Variants in BNC2 observed in about 807,000 individuals in gnomAD.
BNC2 encodes the protein basonuclin zinc finger protein 2.
BNC2 carries 20 observed loss-of-function variants against 76.3 expected under a neutral mutation model. The ratio of observed to expected loss-of-function variants is 0.26; its 90% CI spans 0.18 to 0.38. BNC2 has a LOEUF of 0.38. Among genes scored for constraint, BNC2 ranks in the 10% least tolerant of loss-of-function variants. The pLI is 1.00. For missense variants in BNC2, 1,382 were observed against 1,399.8 expected (o/e 0.99, Z 0.20); for synonymous variants, 582 against 514.8 (o/e 1.13, Z -1.77).
chr9:16,807,584 C>A (rs1586900008), intron 1 of BNC2, among the ~76,000 whole-genome samples: 1 of 152,160 alleles, frequency 6.6e-6, no homozygotes, highest in East Asian at 1.9e-4. Flanking sequence ...GGAAATGCTC[C>A]ATGAAGAGAG....
chr9:16,609,604 T>C (rs1290548878), intron 3 of BNC2, among the ~76,000 whole-genome samples: 1 of 152,238 alleles, frequency 6.6e-6, no homozygotes, highest in Non-Finnish European at 1.5e-5. Context: ...AATAAAGGTA[T>C]GTAGAAGATG....
At chr9:16,706,643 C>G (rs1385977210) in intron 3 of BNC2, among the ~76,000 whole-genome samples, 4 of 152,162 alleles carry the variant, frequency 2.6e-5, no homozygotes, top group Non-Finnish European at 5.9e-5. Context: ...TAGTCTTAAG[C>G]CCTAGTTAAA....
At chr9:16,863,205 G>C (rs755705682) in intron 1 of BNC2, among the ~76,000 whole-genome samples, 4 of 151,894 alleles carry the variant, frequency 2.6e-5, no homozygotes, top group Non-Finnish European at 5.9e-5. Flanking sequence ...GAGCCACCAC[G>C]CCCTGCCCCA....
At chr9:16,463,846 A>G (rs1821643481) in intron 5 of BNC2, among the ~76,000 whole-genome samples, 1 of 151,972 alleles carries the variant, frequency 6.6e-6, no homozygotes, top group African/African-American at 2.4e-5. Flanking sequence ...CTGTAATCCC[A>G]GCACTTCGGG....
chr9:16,826,405 T>C (rs1818455470), intron 1 of BNC2, among the ~76,000 whole-genome samples: 1 of 152,010 alleles, frequency 6.6e-6, no homozygotes, highest in South Asian at 2.1e-4. Context: ...AACACAAACA[T>C]TTCACAACTG....
Position 16,819,233 on chromosome 9 carries a change from G to C in BNC2, c.3+51413C>G, listed in dbSNP as rs558261129. On this transcript the variant is annotated intron_variant, in intron 1 of 6. Coordinates refer to ENST00000380672, the MANE Select transcript of BNC2 (RefSeq NM_017637.6). ...TATTTGACAGATTTTATTAATTCAGGTATAAGATTATGGTGTATCCATTTC... is the reference window on the plus strand; with the variant it reads ...TATTTGACAGATTTTATTAATTCAGCTATAAGATTATGGTGTATCCATTTC... 6.6e-5 allele frequency among the ~76,000 whole-genome samples: 10 copies of C among 152,316 alleles called. No individual in the cohort carries two copies. In the East Asian group the frequency reaches 1.7e-3, roughly 26 times the overall value.
In BNC2 at chr9:16,723,789, T is replaced by C. The variant is rs115767480; in HGVS notation, c.330+4008A>G. On this transcript the variant is annotated intron_variant, in intron 3 of 6. Coordinates refer to ENST00000380672, the MANE Select transcript of BNC2 (RefSeq NM_017637.6). ...TCGTTGATTTAATTTTTAGCTTTCT[T>C]GGTTTGCCCCTCACCTATCTAAAAA... Among the ~76,000 whole-genome samples, 812 of 152,252 alleles carry C rather than the reference T, an allele frequency of 5.3e-3. 15 individuals are homozygous for C. The highest frequency in any genetic ancestry group is 0.019 in the African/African-American group (774 of 41,586).
chr9:16,817,304 C>T (rs1409022016), intron 1 of BNC2, among the ~76,000 whole-genome samples: 3 of 152,226 alleles, frequency 2.0e-5, no homozygotes, highest in African/African-American at 7.2e-5. Context: ...TAATGTCCCA[C>T]CCTTTTTAGA....
chr9:16,438,227 A>G (rs1821059222), intron 5 of BNC2, among the ~76,000 whole-genome samples: 1 of 152,180 alleles, frequency 6.6e-6, no homozygotes, highest in African/African-American at 2.4e-5. Context: ...ATTGGTTGTA[A>G]TCCTATGATT....
intron 3 of BNC2, among the ~76,000 whole-genome samples, chr9:16,692,948 GGAGAAACT>G (rs1326662145): frequency 6.6e-6 from 1 of 151,918 alleles, no homozygotes; most frequent in African/African-American, 2.4e-5. Flanking sequence ...TGGCCGACAT[GGAGAAACT>G]CCGTCTCTAC....
At chr9:16,455,997 A>G (rs373909780) in intron 5 of BNC2, among the ~76,000 whole-genome samples, 105 of 152,290 alleles carry the variant, frequency 6.9e-4, no homozygotes, top group African/African-American at 2.3e-3. Flanking sequence ...CAGTGCAATG[A>G]AAGAGCTCAA....
Position 16,552,535 on chromosome 9 carries a change from G to C in BNC2, c.664C>G (p.Leu222Val), listed in dbSNP as rs1454841987. 2.5e-6 allele frequency: 4 copies of C among 1,613,940 alleles called. No individual in the cohort carries two copies. Among genetic ancestry groups the C allele is most frequent in the African/African-American group, 2.7e-5 (2 of 74,928 alleles). ...TLRDYVRGYI[L>V]QDAAGKVLDR... Reference sequence around the variant, plus strand: ...CGTTCAAGTCCTCTCCCTACCTGAAGGATGTATCCTCGGACATAGTCCCGC... The same window carrying C: ...CGTTCAAGTCCTCTCCCTACCTGAACGATGTATCCTCGGACATAGTCCCGC... Residue 222 changes from leucine to valine, a missense_variant, in exon 5 of 7, where the codon CTT becomes GTT. Physicochemically the swap from Leu to Val is conservative, Grantham distance 32 (BLOSUM62 1). Around this residue, in one of 3 missense-constraint regions of BNC2, gnomAD observed 557 missense variants for 540.9 expected, o/e 1.03. Coordinates refer to ENST00000380672, the MANE Select transcript of BNC2 (RefSeq NM_017637.6).
chr9:16,419,594 T>C lies in BNC2; in HGVS notation c.2695A>G (p.Met899Val), dbSNP rs762786207. The change falls in exon 7 of 7, where the codon ATG (methionine) becomes GTG (valine). Residue 899 changes from methionine (M) to valine (V), a missense_variant. Met to Val is a conservative substitution (Grantham distance 21). This residue lies in a region of BNC2 where 798 missense variants were observed against 775.5 expected (regional missense o/e 1.03). Transcript: ENST00000380672. ...RKLLTKELDDMGLDSSQPSLS... is the reference protein window; with the variant it reads ...RKLLTKELDDVGLDSSQPSLS... ...GAGGGCTGCGACGAGTCCAGGCCCA[T>C]GTCATCGAGTTCTTTGGTCAACAGT... is the stretch of plus-strand genomic sequence containing the variant. 25 of 1,599,202 alleles carry C rather than the reference T, an allele frequency of 1.6e-5. No individual in the cohort carries two copies. Among genetic ancestry groups the C allele is most frequent in the Non-Finnish European group, 2.1e-5 (25 of 1,172,850 alleles).
intron 1 of BNC2, among the ~76,000 whole-genome samples, chr9:16,837,991 C>T (rs1351096789): frequency 6.6e-6 from 1 of 152,004 alleles, no homozygotes; most frequent in African/African-American, 2.4e-5. Context: ...TTTATGATAC[C>T]TGGTATAAAA....
At chr9:16,782,630 C>T (rs979264411) in intron 1 of BNC2, among the ~76,000 whole-genome samples, 1 of 152,136 alleles carries the variant, frequency 6.6e-6, no homozygotes, top group African/African-American at 2.4e-5. Flanking sequence ...GGTGTCACTT[C>T]CTCCAGGAAG....
intron 3 of BNC2, among the ~76,000 whole-genome samples, chr9:16,603,674 GC>G (rs1437732722): frequency 6.6e-6 from 1 of 152,150 alleles, no homozygotes; most frequent in African/African-American, 2.4e-5. Flanking sequence ...GGTTGCAAGT[GC>G]CATGAAATCT....
intron 3 of BNC2, among the ~76,000 whole-genome samples, chr9:16,707,481 G>A (rs192049218): frequency 1.3e-3 from 202 of 152,186 alleles, no homozygotes; most frequent in African/African-American, 4.5e-3. Context: ...AGGATGAACC[G>A]GGGCCTATGA....
chr9:16,697,321 G>T (rs1823367911), intron 3 of BNC2, among the ~76,000 whole-genome samples: 1 of 151,924 alleles, frequency 6.6e-6, no homozygotes, highest in Non-Finnish European at 1.5e-5. Flanking sequence ...CTCCAACCTA[G>T]GTGACAGAGC....
At chr9:16,578,372 A>T (rs1033341729) in intron 4 of BNC2, among the ~76,000 whole-genome samples, 2 of 152,208 alleles carry the variant, frequency 1.3e-5, no homozygotes, top group Non-Finnish European at 2.9e-5. Context: ...CAAATATTAA[A>T]CAATAAAAAT....
Sources: allele counts gnomAD v4.1 joint callset (sites outside exome capture counted in the v4.1 genomes callset), GRCh38; gene constraint gnomAD v4.1.1; regional missense constraint gnomAD v4.1.1; transcripts MANE v1.5; gene names NCBI Gene and HGNC (gene_info 2026-07-23, HGNC 2026-07-21).